PFKFB3: variants seen among roughly 807,000 people sequenced by gnomAD.
The protein encoded by PFKFB3 is 6-phosphofructo-2-kinase/fructose-2,6-bisphosphatase 3.
A neutral mutation model predicts 68.0 loss-of-function variants in PFKFB3; 33 were observed. The ratio of observed to expected loss-of-function variants is 0.49; its 90% CI spans 0.37 to 0.65. The LOEUF is 0.65. Among genes scored for constraint, PFKFB3 ranks in the 30% least tolerant of loss-of-function variants. PFKFB3 has a pLI of 0.00. For missense variants in PFKFB3, 586 were observed against 712.2 expected (o/e 0.82, Z 2.02); for synonymous variants, 315 against 288.2 (o/e 1.09, Z -0.94).
At chr10:6,156,644 T>C (rs895035686) in intron 1 of PFKFB3, among the ~76,000 whole-genome samples, 49 of 150,536 alleles carry the variant, frequency 3.3e-4, no homozygotes, top group African/African-American at 1.2e-3. Flanking sequence ...ACCACCACCA[T>C]GCCCGGCTAA....
chr10:6,311,857 C>G, the PFKFB3 span, among the ~76,000 whole-genome samples: 1 of 152,206 alleles, frequency 6.6e-6, no homozygotes. Context: ...GTCAGGCATT[C>G]CCTGAGCTGG....
intron 1 of PFKFB3, among the ~76,000 whole-genome samples, chr10:6,195,345 C>T (rs1420148638): frequency 6.6e-6 from 1 of 152,170 alleles, no homozygotes; most frequent in East Asian, 1.9e-4. Flanking sequence ...GCCTCACAGA[C>T]GTCTAGAGTT....
intron 13 of PFKFB3, 37 bp from the exon 14 acceptor site, chr10:6,226,155 C>A (rs775061441): frequency 5.9e-6 from 9 of 1,515,392 alleles, no homozygotes; most frequent in Non-Finnish European, 4.4e-6. Context: ...TTCTTTGTAA[C>A]TGTCGCCTTT....
At chr10:6,283,840 G>C in the PFKFB3 span, among the ~76,000 whole-genome samples, 3 of 152,108 alleles carry the variant, frequency 2.0e-5, no homozygotes, top group Non-Finnish European at 4.4e-5. Flanking sequence ...CAGGATCCAG[G>C]ATCCAATCAG....
At chr10:6,265,894 T>G in the PFKFB3 span, among the ~76,000 whole-genome samples, 2 of 152,108 alleles carry the variant, frequency 1.3e-5, no homozygotes, top group Non-Finnish European at 2.9e-5. Flanking sequence ...CTTCATTTTT[T>G]TTTTTGTTTT....
chr10:6,169,573 G>A (rs1842243659), intron 1 of PFKFB3, among the ~76,000 whole-genome samples: 1 of 152,174 alleles, frequency 6.6e-6, no homozygotes, highest in Non-Finnish European at 1.5e-5. Flanking sequence ...GATAAGATGG[G>A]TATGAACTTG....
chr10:6,259,099 T>C (rs1846514687), downstream of PFKFB3, among the ~76,000 whole-genome samples: 1 of 152,182 alleles, frequency 6.6e-6, no homozygotes, highest in Non-Finnish European at 1.5e-5. Context: ...CACCCACCCA[T>C]GCATTCATTC....
chr10:6,325,418 G>A, the PFKFB3 span, among the ~76,000 whole-genome samples: 1 of 152,320 alleles, frequency 6.6e-6, no homozygotes, highest in African/African-American at 2.4e-5. Flanking sequence ...CTAAGTCCTT[G>A]TGTGTGTATA....
chr10:6,226,141 C>T (rs1845332849), intron 13 of PFKFB3, 51 bp from the exon 14 acceptor site: 3 of 1,469,954 alleles, frequency 2.0e-6, no homozygotes, highest in Middle Eastern at 1.8e-4. Flanking sequence ...TAATTTTCCT[C>T]CCCTTCTTTG....
chr10:6,165,821 GTT>G (rs199743692), intron 1 of PFKFB3, among the ~76,000 whole-genome samples: 1 of 145,464 alleles, frequency 6.9e-6, no homozygotes. Context: ...CTTTGTCTTT[GTT>G]TTTTTTTTTG....
downstream of PFKFB3, among the ~76,000 whole-genome samples, chr10:6,235,867 A>G (rs1310476918): frequency 6.6e-6 from 1 of 151,422 alleles, no homozygotes; most frequent in Non-Finnish European, 1.5e-5. Context: ...ACCAGGTTCA[A>G]GCAATTCTCG....
intron 1 of PFKFB3, among the ~76,000 whole-genome samples, chr10:6,170,098 C>T (rs533258310): frequency 6.6e-6 from 1 of 152,162 alleles, no homozygotes; most frequent in East Asian, 1.9e-4. Flanking sequence ...TGCCTGGGCC[C>T]ACCCCGTGGT....
chr10:6,178,392 A>G (rs1485867271), intron 1 of PFKFB3, among the ~76,000 whole-genome samples: 1 of 152,172 alleles, frequency 6.6e-6, no homozygotes, highest in African/African-American at 2.4e-5. Context: ...CAACAAGAGA[A>G]CAGCGAAGGA....
In PFKFB3 at chr10:6,233,314, C is replaced by T. The variant is rs911885888; in HGVS notation, c.*372C>T. ...GTTTCGTTTCTGTGATCTCCCGGCACGTTTGGAGCTGGGAAGACCACACTG... is the reference window on the plus strand; with the variant it reads ...GTTTCGTTTCTGTGATCTCCCGGCATGTTTGGAGCTGGGAAGACCACACTG... On this transcript the variant is annotated 3_prime_UTR_variant, in exon 15 of 15. Transcript: ENST00000379775. 1.0e-5 allele frequency: 2 copies of T among 195,018 alleles called. No homozygotes were observed. Among genetic ancestry groups the T allele is most frequent in the South Asian group, 1.7e-4 (1 of 5,934 alleles). The allele number at this position is 195,018 out of a possible 1,614,324, so 12.1% of individuals were successfully genotyped here. A position where few individuals can be genotyped will look rare whatever the true frequency, so the allele number is the denominator to read the frequency against.
At chr10:6,160,686 C>CCAGCCTGG (rs1308273654) in intron 1 of PFKFB3, among the ~76,000 whole-genome samples, 1 of 140,602 alleles carries the variant, frequency 7.1e-6, no homozygotes, top group Non-Finnish European at 1.5e-5. Flanking sequence ...CCATTGCATT[C>CCAGCCTGG]CAGCCTGGGC....
Position 6,221,643 on chromosome 10 carries a change from C to A in PFKFB3, c.981C>A (p.Gly327=), listed in dbSNP as rs148105023. The part of the protein sequence containing the change: ...QWKALNEIDA[G]VCEELTYEEI... ...GAGTGACCACTGGGTCCCCGCAGGGCGTCTGTGAGGAGCTGACCTACGAGG... is the reference window on the plus strand; with the variant it reads ...GAGTGACCACTGGGTCCCCGCAGGGAGTCTGTGAGGAGCTGACCTACGAGG... The change falls in exon 10 of 15, where the codon GGC becomes GGA. Residue 327 remains glycine, a splice_region_variant and synonymous_variant. Transcript: ENST00000379775. 482 of 1,610,322 alleles carry A rather than the reference C, an allele frequency of 3.0e-4. 1 individual carries two copies. The African/African-American group carries it at 5.8e-3, about 19-fold the overall frequency.
the PFKFB3 span, among the ~76,000 whole-genome samples, chr10:6,278,949 G>C: frequency 6.6e-6 from 1 of 152,180 alleles, no homozygotes; most frequent in Admixed American, 6.5e-5. Flanking sequence ...CTCCTTATCT[G>C]TAAAACGAGA....
chr10:6,254,697 G>A (rs978005791), downstream of PFKFB3: 6 of 189,982 alleles, frequency 3.2e-5, no homozygotes, highest in Non-Finnish European at 4.3e-5. Context: ...ATAGGCTAAT[G>A]TAAGTGTGCT....
chr10:6,309,451 G>A, the PFKFB3 span, among the ~76,000 whole-genome samples: 4 of 151,922 alleles, frequency 2.6e-5, no homozygotes, highest in Admixed American at 6.6e-5. Flanking sequence ...GCGAAACCCC[G>A]GCTCTACTAA....
Sources: allele counts gnomAD v4.1 joint callset (sites outside exome capture counted in the v4.1 genomes callset), GRCh38; gene constraint gnomAD v4.1.1; transcripts MANE v1.5; gene names NCBI Gene and HGNC (gene_info 2026-07-23, HGNC 2026-07-21).